Variants in MED15 observed in about 807,000 individuals in gnomAD.
MED15 encodes the protein mediator of RNA polymerase II transcription subunit 15.
A neutral mutation model predicts 118.7 loss-of-function variants in MED15; 41 were observed. That is an observed-to-expected ratio of 0.35 (90% CI 0.27 to 0.45). The LOEUF (loss-of-function observed/expected upper bound fraction) is 0.45. MED15 is among the 20% of genes least tolerant of loss of function. The pLI is 1.00. For synonymous variants in MED15, 436 were observed against 413.9 expected, an observed-to-expected ratio of 1.05 and a Z score of -0.65; for missense variants, 740 against 1,025.5, an observed-to-expected ratio of 0.72 and a Z score of 3.80.
intron 1 of MED15, among the ~76,000 whole-genome samples, chr22:20,536,689 G>A (rs1024983943): frequency 6.6e-6 from 1 of 152,122 alleles, no homozygotes; most frequent in African/African-American, 2.4e-5. Flanking sequence ...AGGAGTAATC[G>A]AGTCTAGAAC....
At chr22:20,523,231 G>C (rs936786360) in intron 1 of MED15, among the ~76,000 whole-genome samples, 2 of 152,108 alleles carry the variant, frequency 1.3e-5, no homozygotes, top group African/African-American at 2.4e-5. Context: ...CCATGGCTTA[G>C]GTTGTGTTCT....
intron 9 of MED15, among the ~76,000 whole-genome samples, chr22:20,580,225 G>A (rs975379190): frequency 4.6e-5 from 7 of 152,150 alleles, no homozygotes; most frequent in African/African-American, 1.4e-4. Flanking sequence ...GAGGCCCCAC[G>A]GGCGTGGCTG....
chr22:20,512,587 C>CTTTTTT (rs1001694854), intron 1 of MED15, among the ~76,000 whole-genome samples: 5 of 91,508 alleles, frequency 5.5e-5, no homozygotes, highest in Admixed American at 1.1e-4. Flanking sequence ...TGAGTCACCT[C>CTTTTTT]TTTTTTTTTT....
chr22:20,562,089 A>G (rs989848569), intron 5 of MED15, among the ~76,000 whole-genome samples: 1 of 152,142 alleles, frequency 6.6e-6, no homozygotes, highest in African/African-American at 2.4e-5. Flanking sequence ...TGAGCCTGGA[A>G]CGCTGAGTCT....
At chr22:20,571,970 G>T (rs1321497841) in intron 8 of MED15, among the ~76,000 whole-genome samples, 1 of 152,212 alleles carries the variant, frequency 6.6e-6, no homozygotes, top group Non-Finnish European at 1.5e-5. Flanking sequence ...AATAGGGGAT[G>T]AAATGTTCTC....
At chr22:20,533,539 A>G (rs2054935782) in intron 1 of MED15, among the ~76,000 whole-genome samples, 1 of 152,206 alleles carries the variant, frequency 6.6e-6, no homozygotes, top group South Asian at 2.1e-4. Flanking sequence ...GACATGGCAC[A>G]GTGCTGCTGT....
rs769783185 is a variant in MED15 at position 20,507,631 on chromosome 22, G to C, written c.-48G>C. The C allele has an allele frequency of 7.4e-6, 12 of 1,611,600 alleles. No homozygotes were observed. The highest frequency in any genetic ancestry group is 6.8e-6 in the Non-Finnish European group (8 of 1,178,142). ...GCCTGGCTCTGTGACTGAGGCGGCG[G>C]CGGTGGCGGCCAAGCGGGATACGGG... On this transcript the variant is annotated 5_prime_UTR_variant, in exon 1 of 18. Coordinates refer to ENST00000263205, the MANE Select transcript of MED15 (RefSeq NM_001003891.3).
intron 1 of MED15, among the ~76,000 whole-genome samples, chr22:20,532,148 G>A (rs376487558): frequency 6.6e-6 from 1 of 152,236 alleles, no homozygotes; most frequent in Non-Finnish European, 1.5e-5. Flanking sequence ...GGGCGTGGGG[G>A]TAGGAATGGG....
Position 20,562,632 on chromosome 22 carries a change from T to C in MED15, c.452-1818T>C, listed in dbSNP as rs368463056. Among the ~76,000 whole-genome samples, 6 of 152,294 alleles carry C rather than the reference T, an allele frequency of 3.9e-5. No individual in the cohort carries two copies. The East Asian group carries it at 7.7e-4, about 20-fold the overall frequency. ...CTCGACCTCAAGTGATCCTCCTGCCTGAGCCTCCCGAAGTGCTGGGATTAG... is the reference window on the plus strand; with the variant it reads ...CTCGACCTCAAGTGATCCTCCTGCCCGAGCCTCCCGAAGTGCTGGGATTAG... On this transcript the variant is annotated intron_variant, in intron 5 of 17. Coordinates refer to ENST00000263205, the MANE Select transcript of MED15 (RefSeq NM_001003891.3).
chr22:20,528,284 C>T (rs574670413), intron 1 of MED15, among the ~76,000 whole-genome samples: 1 of 152,252 alleles, frequency 6.6e-6, no homozygotes, highest in East Asian at 1.9e-4. Flanking sequence ...AGTCCTTCCT[C>T]CAGAACAATG....
chr22:20,558,031 G>A (rs1416430921), intron 5 of MED15, among the ~76,000 whole-genome samples: 1 of 152,204 alleles, frequency 6.6e-6, no homozygotes, highest in African/African-American at 2.4e-5. Flanking sequence ...GCATGAACCT[G>A]GGAGGCGGAG....
chr22:20,538,039 A>G (rs1228035262), intron 2 of MED15, among the ~76,000 whole-genome samples: 1 of 152,158 alleles, frequency 6.6e-6, no homozygotes, highest in Non-Finnish European at 1.5e-5. Flanking sequence ...TTCACCCTTT[A>G]AAGTTTACAT....
chr22:20,529,215 G>A (rs1460536771), intron 1 of MED15, among the ~76,000 whole-genome samples: 1 of 152,054 alleles, frequency 6.6e-6, no homozygotes, highest in Non-Finnish European at 1.5e-5. Context: ...TGCAGGCTTT[G>A]TTCCTCATTT....
chr22:20,513,708 C>T (rs985873032), intron 1 of MED15, among the ~76,000 whole-genome samples: 1 of 152,194 alleles, frequency 6.6e-6, no homozygotes, highest in Non-Finnish European at 1.5e-5. Flanking sequence ...CAGTGGTGAG[C>T]TCCCTGCCAC....
At chr22:20,508,291 C>G in intron 1 of MED15, 2 of 1,302,338 alleles carry the variant, frequency 1.5e-6, no homozygotes, top group Non-Finnish European at 2.0e-6. Flanking sequence ...AAGCCGCTGT[C>G]AGGAAGCGAT....
intron 1 of MED15, 86 bp downstream of exon 1, chr22:20,507,832 A>G (rs2053921305): frequency 2.5e-6 from 4 of 1,572,806 alleles, no homozygotes; most frequent in Non-Finnish European, 3.5e-6. Context: ...CCCGTGAGAA[A>G]CCTACGGCGC....
intron 9 of MED15, 83 bp downstream of exon 9, chr22:20,575,315 C>A: frequency 1.3e-6 from 2 of 1,499,280 alleles, no homozygotes. Context: ...CTGTCATTAT[C>A]ATCGCCGGTG....
chr22:20,583,599 C>T, intron 13 of MED15: 1 of 602,728 alleles, frequency 1.7e-6, no homozygotes, highest in Non-Finnish European at 2.9e-6. Flanking sequence ...TTGCCCTATT[C>T]CTGGCTGCTG....
At chr22:20,515,829 C>G (rs1483822380) in intron 1 of MED15, among the ~76,000 whole-genome samples, 1 of 151,564 alleles carries the variant, frequency 6.6e-6, no homozygotes, top group Non-Finnish European at 1.5e-5. Context: ...ATAATAAAAC[C>G]TCGTCTCTAC....
Sources: gnomAD v4.1 joint callset for allele counts (sites outside exome capture counted in the v4.1 genomes callset) on GRCh38, gnomAD v4.1.1 for gene constraint, MANE v1.5 for transcripts, NCBI Gene and HGNC (gene_info 2026-07-23, HGNC 2026-07-21) for gene names.